ARHGEF16: variants seen among roughly 807,000 people sequenced by gnomAD.
The protein encoded by ARHGEF16 is Rho guanine nucleotide exchange factor 16, also known as Rho guanine exchange factor (GEF) 16.
In ARHGEF16, 59 loss-of-function variants were observed where a neutral mutation model predicts 74.1. The ratio of observed to expected loss-of-function variants is 0.80; its 90% CI spans 0.65 to 0.99. The LOEUF (loss-of-function observed/expected upper bound fraction) is 0.99. ARHGEF16 is among the 50% of genes least tolerant of loss of function. The probability of loss-of-function intolerance (pLI) is 0.00; values close to 1 mark genes in which losing one functional copy is unlikely to be tolerated. For synonymous variants in ARHGEF16, 415 were observed against 412.6 expected, an observed-to-expected ratio of 1.01 and a Z score of -0.07; for missense variants, 948 against 986.6, an observed-to-expected ratio of 0.96 and a Z score of 0.52.
chr1:3,477,716 A>T lies in ARHGEF16; in HGVS notation c.1474-159A>T, dbSNP rs571804070. Among the ~76,000 whole-genome samples, 44 of 152,094 alleles carry T rather than the reference A, an allele frequency of 2.9e-4. No homozygotes were observed. The South Asian group carries it at 9.1e-3, about 32-fold the overall frequency. ...CACATTGTGCCCCTTTCCTCTGTCCAGCCCCGACTGAGGGCAGCCAGCTGG... is the reference window on the plus strand; with the variant it reads ...CACATTGTGCCCCTTTCCTCTGTCCTGCCCCGACTGAGGGCAGCCAGCTGG... On this transcript the variant is annotated intron_variant, in intron 10 of 14. Transcript: ENST00000378378.
chr1:3,471,812 T>C, intron 6 of ARHGEF16: 1 of 1,080,658 alleles, frequency 9.3e-7, no homozygotes, highest in South Asian at 2.2e-5. Context: ...GGTGGGCGGC[T>C]CTCCCAGACC....
intron 2 of ARHGEF16, among the ~76,000 whole-genome samples, chr1:3,464,649 G>A (rs1639493201): frequency 6.6e-6 from 1 of 152,198 alleles, no homozygotes; most frequent in Admixed American, 6.5e-5. Flanking sequence ...CCAAGCATAT[G>A]GGCTGCCTCA....
chr1:3,480,780 C>T lies in ARHGEF16; in HGVS notation c.*193C>T, dbSNP rs1488754223. On this transcript the variant is annotated 3_prime_UTR_variant, in exon 15 of 15. Coordinates refer to ENST00000378378, the MANE Select transcript of ARHGEF16 (RefSeq NM_014448.4). ...AGATCACATGTCCCCAGAGAGGCAC[C>T]CCCAGGCAAGCTCGAGGGGGCCACA... 8 of 793,832 alleles carry T rather than the reference C, an allele frequency of 1.0e-5. No homozygotes were observed. Among genetic ancestry groups the T allele is most frequent in the Non-Finnish European group, 1.5e-5 (8 of 518,474 alleles). The allele number at this position is 793,832 out of a possible 1,614,324, so 49.2% of individuals were successfully genotyped here.
chr1:3,457,680 G>A lies in ARHGEF16; in HGVS notation c.-20+2869G>A, dbSNP rs61759233. Among the ~76,000 whole-genome samples, 2 of 152,244 alleles carry A rather than the reference G, an allele frequency of 1.3e-5. 1 individual carries two copies. The highest frequency in any genetic ancestry group is 4.1e-4 in the South Asian group (2 of 4,834). ...AGTACGGACAGGAACGGACAGGCTG[G>A]GCAGGGGGCCCTGAGACTGGCCAGC... On this transcript the variant is annotated intron_variant, in intron 1 of 14. Coordinates refer to ENST00000378378, the MANE Select transcript of ARHGEF16 (RefSeq NM_014448.4).
rs1639534338 is a variant in ARHGEF16, at chr1:3,466,055, G to A, written c.589-93G>A. ...TATTGGGCACAGCTTCGCATGTGGA[G>A]CCGAGAGGTCTCTGGGGTCCCAGGG... On this transcript the variant is annotated intron_variant, in intron 2 of 14. Coordinates refer to ENST00000378378, the MANE Select transcript of ARHGEF16 (RefSeq NM_014448.4). 7 of 1,390,194 alleles carry A rather than the reference G, an allele frequency of 5.0e-6. No individual in the cohort carries two copies. The South Asian group carries it at 8.9e-5, about 18-fold the overall frequency. The allele number at this position is 1,390,194 out of a possible 1,614,324, so 86.1% of individuals were successfully genotyped here. A position where few individuals can be genotyped will look rare whatever the true frequency, so the allele number is the denominator to read the frequency against.
Position 3,478,486 on chromosome 1 carries a change from AGCCGTCTGAGCTCCCTCT to A in ARHGEF16, c.1692_1709del (p.Ser565_Pro570del), listed in dbSNP as rs760398591. 6.2e-7 allele frequency: 1 copy of A among 1,612,594 alleles called. No homozygotes were observed. The highest frequency in any genetic ancestry group is 8.5e-7 in the Non-Finnish European group (1 of 1,179,828). On this transcript the variant is annotated inframe_deletion, in exon 12 of 15. Coordinates refer to ENST00000378378, the MANE Select transcript of ARHGEF16 (RefSeq NM_014448.4). ...AACCACATCCAGGTGGAGAAGATAGAGCCGTCTGAGCTCCCTCTGCCCGGGGGCGGCAACCGTAGCTCC... is the reference window on the plus strand; with the variant it reads ...AACCACATCCAGGTGGAGAAGATAGAGCCCGGGGGCGGCAACCGTAGCTCC...
intron 1 of ARHGEF16, 51 bp from the exon 2 acceptor site, chr1:3,463,015 G>A (rs575508698): frequency 1.3e-5 from 17 of 1,315,928 alleles, no homozygotes; most frequent in South Asian, 9.8e-5. Flanking sequence ...GGACACCCGC[G>A]GGGGCAGGGG....
intron 1 of ARHGEF16, among the ~76,000 whole-genome samples, chr1:3,460,410 G>C (rs1010910367): frequency 6.6e-6 from 1 of 152,212 alleles, no homozygotes; most frequent in African/African-American, 2.4e-5. Context: ...AGAAGGTTGA[G>C]ACAGTGCAGG....
At position 3,473,516 on chromosome 1, in the gene ARHGEF16, G is replaced by A. The variant is rs1639797251; in HGVS notation, c.1299G>A (p.Leu433=). 1 of 1,608,510 alleles carries A rather than the reference G, an allele frequency of 6.2e-7. No homozygotes were observed. Among genetic ancestry groups the A allele is most frequent in the Non-Finnish European group, 8.5e-7 (1 of 1,179,998 alleles). Residue 433 remains leucine (L), a synonymous_variant, in exon 8 of 15, where the codon CTG becomes CTA. Coordinates refer to ENST00000378378, the MANE Select transcript of ARHGEF16 (RefSeq NM_014448.4). ...PMQRVTRLPL[L]MDTLCLKTQG... is the part of the protein sequence containing the mutation. Reference sequence around the variant, plus strand: ...AGCGGGTGACCCGGCTGCCCCTCCTGATGGATGTAAGTCCACGGCCTGAGG... The same window carrying A: ...AGCGGGTGACCCGGCTGCCCCTCCTAATGGATGTAAGTCCACGGCCTGAGG...
chr1:3,473,593 A>C, intron 8 of ARHGEF16, 71 bp downstream of exon 8: 2 of 1,593,770 alleles, frequency 1.3e-6, no homozygotes, highest in Non-Finnish European at 1.7e-6. Context: ...CCTGCCCCGG[A>C]TGGAGCATTA....
At chr1:3,471,592 C>T (rs1473947276) in intron 6 of ARHGEF16, 2 of 1,096,194 alleles carry the variant, frequency 1.8e-6, no homozygotes, top group Admixed American at 5.1e-5. Flanking sequence ...GCTCTGCCCC[C>T]AGCCAGGCAG....
intron 2 of ARHGEF16, 52 bp downstream of exon 2, chr1:3,463,724 C>A (rs536106989): frequency 8.1e-4 from 1,077 of 1,324,662 alleles, no homozygotes; most frequent in Non-Finnish European, 9.1e-4. Flanking sequence ...GGCAGAGGGG[C>A]GGCCTGGCCG....
At chr1:3,473,365 C>G in intron 7 of ARHGEF16, 28 bp from the exon 8 acceptor site, 1 of 1,587,716 alleles carries the variant, frequency 6.3e-7, no homozygotes, top group Non-Finnish European at 8.6e-7. Flanking sequence ...CATGCAGAGC[C>G]TGGAAGGACA....
Position 3,480,760 on chromosome 1 carries a change from A to C in ARHGEF16, c.*173A>C. The C allele has an allele frequency of 3.2e-6, 3 of 938,668 alleles. No homozygotes were observed. Among genetic ancestry groups the C allele is most frequent in the Non-Finnish European group, 4.6e-6 (3 of 647,516 alleles). The allele number at this position is 938,668 out of a possible 1,614,324, so 58.1% of individuals were successfully genotyped here. ...CCAGACACTTCACGGAAGGAAGATC[A>C]CATGTCCCCAGAGAGGCACCCCCAG... On this transcript the variant is annotated 3_prime_UTR_variant, in exon 15 of 15. Transcript: ENST00000378378.
Position 3,463,408 on chromosome 1 carries a change from C to CG in ARHGEF16, c.328dup (p.Ala110GlyfsTer5), listed in dbSNP as rs1200334645. The CG allele has an allele frequency of 6.5e-7, 1 of 1,550,118 alleles. No individual in the cohort carries two copies. Among genetic ancestry groups the CG allele is most frequent in the East Asian group, 2.4e-5 (1 of 40,886 alleles). ...AGACCCCAGCCCGCCACCAGAGCTT[C>CG]GGGGCGGCTGTACTTAGCAGGGAGG... On this transcript the variant is annotated frameshift_variant, in exon 2 of 15. Coordinates refer to ENST00000378378, the MANE Select transcript of ARHGEF16 (RefSeq NM_014448.4). LOFTEE classifies it high-confidence loss of function.
intron 9 of ARHGEF16, 142 bp downstream of exon 9, chr1:3,474,924 C>A: frequency 6.0e-6 from 4 of 670,054 alleles, no homozygotes; most frequent in Non-Finnish European, 1.1e-5. Context: ...CCATCCCAAG[C>A]CTTTCACAGC....
rs548923994 is a variant in ARHGEF16, at chr1:3,472,961, C to G, written c.1023-117C>G. 4.3e-5 allele frequency: 47 copies of G among 1,083,526 alleles called. 1 individual carries two copies. In the South Asian group the frequency reaches 6.8e-4, roughly 16 times the overall value. The allele number at this position is 1,083,526 out of a possible 1,614,324, so 67.1% of individuals were successfully genotyped here. A position where few individuals can be genotyped will look rare whatever the true frequency, so the allele number is the denominator to read the frequency against. ...GTGTGCTGCCTCTGGGAGCTGAGCT[C>G]AGCTCCTGCCACGTCCATGTATGTG... is the stretch of plus-strand genomic sequence containing the variant. On this transcript the variant is annotated intron_variant, in intron 6 of 14. Coordinates refer to ENST00000378378, the MANE Select transcript of ARHGEF16 (RefSeq NM_014448.4).
chr1:3,464,012 G>T (rs1160758058), intron 2 of ARHGEF16, among the ~76,000 whole-genome samples: 1 of 152,232 alleles, frequency 6.6e-6, no homozygotes, highest in African/African-American at 2.4e-5. Flanking sequence ...TGGATGATAG[G>T]GTTCAGGGTG....
intron 2 of ARHGEF16, among the ~76,000 whole-genome samples, chr1:3,464,718 T>C (rs1639496270): frequency 6.6e-6 from 1 of 152,214 alleles, no homozygotes; most frequent in Admixed American, 6.5e-5. Context: ...TGAACCTTCC[T>C]GAGCCTTGGC....
Sources: allele counts gnomAD v4.1 joint callset (sites outside exome capture counted in the v4.1 genomes callset), GRCh38; gene constraint gnomAD v4.1.1; transcripts MANE v1.5; gene names NCBI Gene and HGNC (gene_info 2026-07-23, HGNC 2026-07-21).